BRD4: variants seen among roughly 807,000 people sequenced by gnomAD.
BRD4 encodes the protein bromodomain-containing protein 4.
Under a neutral mutation model 142.1 loss-of-function variants are expected in BRD4, and 16 were observed. The ratio of observed to expected loss-of-function variants is 0.11; its 90% CI spans 0.08 to 0.17. The LOEUF (loss-of-function observed/expected upper bound fraction) is 0.17, where lower values mean the gene tolerates loss of function less well. Among genes scored for constraint, BRD4 ranks in the 10% least tolerant of loss-of-function variants. The pLI is 1.00. For missense variants in BRD4, 1,424 were observed against 1,810.9 expected (o/e 0.79, Z 3.88); for synonymous variants, 833 against 707.5 (o/e 1.18, Z -2.82).
At chr19:15,254,080 C>T (rs991142392) in intron 11 of BRD4, 72 bp downstream of exon 11, 11 of 1,311,254 alleles carry the variant, frequency 8.4e-6, no homozygotes, top group Non-Finnish European at 1.2e-5. Flanking sequence ...GCATCCTGGA[C>T]ACAGGACCGA....
At chr19:15,275,484 AG>A (rs1400834362) in intron 1 of BRD4, among the ~76,000 whole-genome samples, 3 of 152,168 alleles carry the variant, frequency 2.0e-5, no homozygotes, top group African/African-American at 7.2e-5. Context: ...CTTTGAATTA[AG>A]GAAGTCCTCA....
At chr19:15,309,783 C>T (rs1355697660) in intron 1 of BRD4, among the ~76,000 whole-genome samples, 1 of 152,148 alleles carries the variant, frequency 6.6e-6, no homozygotes, top group African/African-American at 2.4e-5. Flanking sequence ...GGTAGTGTGG[C>T]AATCAATTCT....
chr19:15,329,843 C>T (rs2048141794), intron 1 of BRD4, among the ~76,000 whole-genome samples: 1 of 152,236 alleles, frequency 6.6e-6, no homozygotes, highest in Non-Finnish European at 1.5e-5. Context: ...GTTACCCCCA[C>T]CTCCTAAAGC....
intron 1 of BRD4, among the ~76,000 whole-genome samples, chr19:15,310,916 T>C (rs1434151425): frequency 6.6e-6 from 1 of 152,158 alleles, no homozygotes; most frequent in Non-Finnish European, 1.5e-5. Flanking sequence ...TCAGTTTCCG[T>C]GTGGAGGCAG....
intron 1 of BRD4, among the ~76,000 whole-genome samples, chr19:15,323,709 A>G (rs1391585920): frequency 6.6e-6 from 1 of 152,182 alleles, no homozygotes; most frequent in African/African-American, 2.4e-5. Context: ...CTGGCTGACA[A>G]TGTACCAGTG....
rs114026929 is a variant in BRD4 at position 15,277,512 on chromosome 19, T to C, written c.-34-4379A>G. Among the ~76,000 whole-genome samples the C allele has an allele frequency of 3.4e-3, 512 of 151,646 alleles. 3 individuals carry two copies. The highest frequency in any genetic ancestry group is 0.012 in the African/African-American group (502 of 41,272). On this transcript the variant is annotated intron_variant, in intron 1 of 19. Transcript: ENST00000679869. ...TAAAACAAAGATTGTCCAGGCACAG[T>C]GGCTCACGCCTGTAATCCCAGCACT... is the stretch of plus-strand genomic sequence containing the variant.
intron 14 of BRD4, among the ~76,000 whole-genome samples, chr19:15,241,752 G>A (rs376663894): frequency 4.0e-5 from 6 of 151,758 alleles, no homozygotes; most frequent in African/African-American, 1.2e-4. Context: ...TCCCAGGGAG[G>A]ACAGGCAGCT....
chr19:15,267,851 C>A (rs907966394), intron 3 of BRD4, among the ~76,000 whole-genome samples: 3 of 152,200 alleles, frequency 2.0e-5, no homozygotes, highest in Non-Finnish European at 2.9e-5. Context: ...CAGCCAATCA[C>A]TGAAAGGGGC....
intron 14 of BRD4, among the ~76,000 whole-genome samples, 159 bp from the exon 15 acceptor site, chr19:15,240,181 C>T (rs1432050849): frequency 6.6e-6 from 1 of 152,192 alleles, no homozygotes; most frequent in Non-Finnish European, 1.5e-5. Flanking sequence ...AGGGTGAAGA[C>T]CCACACAAGT....
chr19:15,240,829 T>A (rs1037953394), intron 14 of BRD4, among the ~76,000 whole-genome samples: 12 of 152,188 alleles, frequency 7.9e-5, no homozygotes, highest in African/African-American at 2.7e-4. Flanking sequence ...CTCACCGCTC[T>A]TTGGCTAGCT....
chr19:15,331,482 G>A (rs1237411983), intron 1 of BRD4, among the ~76,000 whole-genome samples: 1 of 152,232 alleles, frequency 6.6e-6, no homozygotes, highest in African/African-American at 2.4e-5. Flanking sequence ...CACGGACCGA[G>A]CAAAACAAAG....
intron 1 of BRD4, among the ~76,000 whole-genome samples, chr19:15,328,010 A>G (rs755370557): frequency 6.6e-6 from 1 of 150,992 alleles, no homozygotes; most frequent in African/African-American, 2.4e-5. Context: ...TGTATCATGT[A>G]TAACAACGTT....
rs753991012 is a variant in BRD4 at position 15,243,505 on chromosome 19, C to A, written c.2582-18G>T. 1 of 1,538,908 alleles carries A rather than the reference C, an allele frequency of 6.5e-7. No individual in the cohort carries two copies. Among genetic ancestry groups the A allele is most frequent in the African/African-American group, 1.4e-5 (1 of 72,226 alleles). ...GTGCAAAGCTGGAAGAACACAACAC[C>A]GAGGCGGTGAGGCCTGAGCACCTGT... On this transcript the variant is annotated intron_variant, in intron 13 of 19. Transcript: ENST00000679869.
chr19:15,254,084 G>C lies in BRD4; in HGVS notation c.2158+68C>G, dbSNP rs375082799. The C allele has an allele frequency of 4.6e-4, 613 of 1,347,254 alleles. 6 individuals are homozygous for C. The South Asian group carries it at 5.3e-3, about 12-fold the overall frequency. 83.5% of individuals were successfully genotyped at this position (1,347,254 alleles called of 1,614,324 possible). A position where few individuals can be genotyped will look rare whatever the true frequency, so the allele number is the denominator to read the frequency against. On this transcript the variant is annotated intron_variant, in intron 11 of 19. Coordinates refer to ENST00000679869, the MANE Select transcript of BRD4 (RefSeq NM_001379291.1). ...TCTGGGCTCTAGCATCCTGGACACAGGACCGAGCTAGTGCCAGGCACAGGT... is the reference window on the plus strand; with the variant it reads ...TCTGGGCTCTAGCATCCTGGACACACGACCGAGCTAGTGCCAGGCACAGGT...
chr19:15,289,739 G>A (rs185107709), intron 1 of BRD4, among the ~76,000 whole-genome samples: 169 of 152,134 alleles, frequency 1.1e-3, no homozygotes, highest in African/African-American at 3.8e-3. Context: ...ATGAAACCAG[G>A]AGAATGGAAG....
At chr19:15,253,761 G>T in intron 11 of BRD4, 1 of 1,598,168 alleles carries the variant, frequency 6.3e-7, no homozygotes, top group Non-Finnish European at 8.5e-7. Flanking sequence ...CTGGGGACAC[G>T]AAGTCTCCAC....
intron 1 of BRD4, among the ~76,000 whole-genome samples, chr19:15,310,518 G>A (rs1412635115): frequency 4.6e-5 from 7 of 151,708 alleles, no homozygotes; most frequent in Admixed American, 1.3e-4. Context: ...CCACCACCAC[G>A]CCTGGCTAAT....
chr19:15,256,301 A>C, intron 8 of BRD4, 38 bp from the exon 9 acceptor site: 1 of 1,590,010 alleles, frequency 6.3e-7, no homozygotes. Context: ...CTCAGGGCTG[A>C]AACCACCTTC....
At chr19:15,267,860 G>A (rs977242307) in intron 3 of BRD4, among the ~76,000 whole-genome samples, 2 of 152,136 alleles carry the variant, frequency 1.3e-5, no homozygotes, top group Non-Finnish European at 2.9e-5. Flanking sequence ...ACTGAAAGGG[G>A]CCCTCCTTTG....
Sources: allele counts gnomAD v4.1 joint callset (sites outside exome capture counted in the v4.1 genomes callset), GRCh38; gene constraint gnomAD v4.1.1; transcripts MANE v1.5; gene names NCBI Gene and HGNC (gene_info 2026-07-23, HGNC 2026-07-21).